The following LURAP1L variants were observed in gnomAD, a reference collection of about 807,000 sequenced individuals.
The protein encoded by LURAP1L is leucine rich adaptor protein 1-like.
In LURAP1L, 12 loss-of-function variants were observed where a neutral mutation model predicts 13.8. The observed-to-expected ratio is 0.87, with a 90% CI of 0.56 to 1.41. The LOEUF (loss-of-function observed/expected upper bound fraction) is 1.41, where lower values mean the gene tolerates loss of function less well. Ranked by LOEUF, LURAP1L falls within the 40% of genes most tolerant of loss-of-function variation. The probability of loss-of-function intolerance (pLI) is 0.00; values close to 1 mark genes in which losing one functional copy is unlikely to be tolerated. For synonymous variants in LURAP1L, 139 were observed against 119.2 expected (o/e 1.17, Z -1.08); for missense variants, 375 against 292.9 (o/e 1.28, Z -2.04).
In LURAP1L at chr9:12,817,682, T is replaced by C. The variant is rs534971573; in HGVS notation, c.313-3704T>C. ...GACTCCAACAGAAGGAACCACACAGTTTCATGCTGCAAGGGCAAGGCTACT... is the reference window on the plus strand; with the variant it reads ...GACTCCAACAGAAGGAACCACACAGCTTCATGCTGCAAGGGCAAGGCTACT... On this transcript the variant is annotated intron_variant, in intron 1 of 1. Coordinates refer to ENST00000319264, the MANE Select transcript of LURAP1L (RefSeq NM_203403.2). 9.9e-5 allele frequency among the ~76,000 whole-genome samples: 15 copies of C among 152,188 alleles called. 1 individual carries two copies. The highest frequency in any genetic ancestry group is 3.1e-4 in the African/African-American group (13 of 41,540).
chr9:12,821,103 C>T (rs572583252), intron 1 of LURAP1L, among the ~76,000 whole-genome samples: 1 of 152,130 alleles, frequency 6.6e-6, no homozygotes, highest in South Asian at 2.1e-4. Context: ...AGAGAACCTG[C>T]CATTCAGTAT....
At chr9:12,789,250 T>C (rs999273443) in intron 1 of LURAP1L, among the ~76,000 whole-genome samples, 1 of 152,136 alleles carries the variant, frequency 6.6e-6, no homozygotes, top group Non-Finnish European at 1.5e-5. Flanking sequence ...AATAATGAGA[T>C]GATATATGTA....
At position 12,821,406 on chromosome 9, in the gene LURAP1L, C is replaced by T. The variant is rs1490249925; in HGVS notation, c.333C>T (p.Asp111=). 19 of 1,613,768 alleles carry T rather than the reference C, an allele frequency of 1.2e-5. No homozygotes were observed. Among genetic ancestry groups the T allele is most frequent in the Non-Finnish European group, 1.4e-5 (17 of 1,179,836 alleles). ...RQEMVNLRAT[D]VRLMRQLLVI... ...CATAGGTTAACCTCAGAGCCACAGA[C>T]GTCAGGCTCATGCGCCAGTTGCTTG... The change falls in exon 2 of 2, where the codon GAC becomes GAT. Residue 111 remains aspartate, a synonymous_variant. Coordinates refer to ENST00000319264, the MANE Select transcript of LURAP1L (RefSeq NM_203403.2).
intron 1 of LURAP1L, among the ~76,000 whole-genome samples, chr9:12,778,273 G>A (rs1035177349): frequency 1.3e-5 from 2 of 151,888 alleles, no homozygotes; most frequent in Non-Finnish European, 1.5e-5. Context: ...TATCTTCCCC[G>A]GCAAAAAGGC....
chr9:12,782,679 C>T (rs1293147815), intron 1 of LURAP1L, among the ~76,000 whole-genome samples: 1 of 152,066 alleles, frequency 6.6e-6, no homozygotes, highest in East Asian at 1.9e-4. Context: ...GTTCTTTTTG[C>T]TCTGGATGAC....
intron 1 of LURAP1L, among the ~76,000 whole-genome samples, chr9:12,819,099 A>T (rs977725124): frequency 1.2e-4 from 18 of 152,174 alleles, no homozygotes; most frequent in African/African-American, 4.1e-4. Context: ...AGTCATTGCA[A>T]GGTTATTGAG....
intron 1 of LURAP1L, among the ~76,000 whole-genome samples, chr9:12,787,206 C>A (rs1819368281): frequency 6.6e-6 from 1 of 152,110 alleles, no homozygotes; most frequent in South Asian, 2.1e-4. Context: ...TGGAAATGTT[C>A]TAAATGCATA....
intron 1 of LURAP1L, among the ~76,000 whole-genome samples, chr9:12,814,964 G>C (rs1819784339): frequency 6.6e-6 from 1 of 152,180 alleles, no homozygotes; most frequent in South Asian, 2.1e-4. Flanking sequence ...GAAAGTGAAA[G>C]AAAGCTTTGG....
At chr9:12,799,003 G>T (rs554807313) in intron 1 of LURAP1L, among the ~76,000 whole-genome samples, 13 of 152,094 alleles carry the variant, frequency 8.5e-5, no homozygotes, top group African/African-American at 3.1e-4. Flanking sequence ...TTTTAATCCA[G>T]TCCTAAACTG....
At chr9:12,789,266 G>A (rs1299335609) in intron 1 of LURAP1L, among the ~76,000 whole-genome samples, 1 of 152,094 alleles carries the variant, frequency 6.6e-6, no homozygotes, top group East Asian at 1.9e-4. Flanking sequence ...ATGTAAAGTA[G>A]CTGAGATTCT....
chr9:12,798,287 A>T (rs1035649679), intron 1 of LURAP1L, among the ~76,000 whole-genome samples: 1 of 152,162 alleles, frequency 6.6e-6, no homozygotes, highest in African/African-American at 2.4e-5. Flanking sequence ...ACCAGCAAAC[A>T]TATTTTGCCA....
chr9:12,788,731 A>G (rs1293584081), intron 1 of LURAP1L, among the ~76,000 whole-genome samples: 1 of 152,048 alleles, frequency 6.6e-6, no homozygotes, highest in African/African-American at 2.4e-5. Flanking sequence ...TAACAGTGAT[A>G]TCATTGAATG....
intron 1 of LURAP1L, among the ~76,000 whole-genome samples, chr9:12,782,999 T>A (rs1195400708): frequency 6.6e-6 from 1 of 152,184 alleles, no homozygotes; most frequent in Non-Finnish European, 1.5e-5. Flanking sequence ...TACTTCTTGA[T>A]TGCTTTTTCA....
At chr9:12,780,801 G>A (rs922362086) in intron 1 of LURAP1L, among the ~76,000 whole-genome samples, 4 of 151,404 alleles carry the variant, frequency 2.6e-5, no homozygotes, top group African/African-American at 9.7e-5. Flanking sequence ...GTAATAAATT[G>A]TATAAATAAG....
chr9:12,784,844 G>A (rs775675346), intron 1 of LURAP1L, among the ~76,000 whole-genome samples: 16 of 150,588 alleles, frequency 1.1e-4, no homozygotes, highest in South Asian at 2.1e-4. Flanking sequence ...GTCTGGAGTC[G>A]GGAACTTTAG....
intron 1 of LURAP1L, among the ~76,000 whole-genome samples, chr9:12,804,737 T>C (rs1483682281): frequency 1.3e-5 from 2 of 152,068 alleles, no homozygotes; most frequent in Admixed American, 6.6e-5. Context: ...TTTGGCTCAA[T>C]GAAGGAAATC....
At chr9:12,799,030 A>G (rs1229950460) in intron 1 of LURAP1L, among the ~76,000 whole-genome samples, 1 of 152,196 alleles carries the variant, frequency 6.6e-6, no homozygotes, top group East Asian at 1.9e-4. Context: ...GAAAATGTTC[A>G]TAGAATATGA....
rs149917329 is a variant in LURAP1L at position 12,821,058 on chromosome 9, C to G, written c.313-328C>G. Among the ~76,000 whole-genome samples, 936 of 152,248 alleles carry G rather than the reference C, an allele frequency of 6.1e-3. 5 individuals carry two copies. The highest frequency in any genetic ancestry group is 0.027 in the Middle Eastern group (8 of 294). On this transcript the variant is annotated intron_variant, in intron 1 of 1. Coordinates refer to ENST00000319264, the MANE Select transcript of LURAP1L (RefSeq NM_203403.2). ...ATACGCCAACGTAAACATTAATAAA[C>G]TTAATCTGGCCAAAGAGAAAATAAA...
intron 1 of LURAP1L, among the ~76,000 whole-genome samples, chr9:12,779,206 G>C (rs1426493876): frequency 6.8e-6 from 1 of 148,054 alleles, no homozygotes; most frequent in Non-Finnish European, 1.5e-5. Context: ...ACTTTACTAT[G>C]TGTAAGACAC....
Sources: allele counts gnomAD v4.1 joint callset (sites outside exome capture counted in the v4.1 genomes callset), GRCh38; gene constraint gnomAD v4.1.1; transcripts MANE v1.5; gene names NCBI Gene and HGNC (gene_info 2026-07-23, HGNC 2026-07-21).